The following RBFOX3 variants were observed in gnomAD, a reference collection of about 807,000 sequenced individuals.
RBFOX3 encodes the protein RNA binding protein fox-1 homolog 3.
A neutral mutation model predicts 48.7 loss-of-function variants in RBFOX3; 17 were observed. The observed-to-expected ratio is 0.35, with a 90% CI of 0.24 to 0.52. The LOEUF is 0.52. Among genes scored for constraint, RBFOX3 ranks in the 20% least tolerant of loss-of-function variants. RBFOX3 has a pLI of 0.94. For synonymous variants in RBFOX3, 212 were observed against 209.5 expected, an observed-to-expected ratio of 1.01 and a Z score of -0.10; for missense variants, 382 against 497.5, an observed-to-expected ratio of 0.77 and a Z score of 2.21.
intron 1 of RBFOX3, among the ~76,000 whole-genome samples, chr17:79,500,485 G>C (rs2082244139): frequency 6.6e-6 from 1 of 152,112 alleles, no homozygotes; most frequent in African/African-American, 2.4e-5. Flanking sequence ...TCGAACTCCT[G>C]ACCTCAGGTG....
chr17:79,265,078 G>A (rs2066470376), intron 3 of RBFOX3, among the ~76,000 whole-genome samples: 1 of 152,168 alleles, frequency 6.6e-6, no homozygotes, highest in Non-Finnish European at 1.5e-5. Context: ...CCTGCCAGAT[G>A]CCACGCTCGG....
rs760025475 is a variant in RBFOX3, at chr17:79,195,522, C to CACAG, written c.-34+40240_-34+40243dup. ...CTGCCCTGATCTCCCCATCCCAAAACACAGACACCCAGCAAAAGGGTCTGC... is the reference window on the plus strand; with the variant it reads ...CTGCCCTGATCTCCCCATCCCAAAACACAGACAGACACCCAGCAAAAGGGTCTGC... On this transcript the variant is annotated intron_variant, in intron 4 of 14. Coordinates refer to ENST00000693108, the MANE Select transcript of RBFOX3 (RefSeq NM_001350451.2). The surrounding 1 kb of genome is among the most constrained non-coding windows in gnomAD (Gnocchi z 5.3). 2.0e-5 allele frequency among the ~76,000 whole-genome samples: 3 copies of CACAG among 152,236 alleles called. No homozygotes were observed. The highest frequency in any genetic ancestry group is 4.4e-5 in the Non-Finnish European group (3 of 68,042).
At chr17:79,580,161 A>C (rs2093006946) in intron 1 of RBFOX3, among the ~76,000 whole-genome samples, 1 of 150,596 alleles carries the variant, frequency 6.6e-6, no homozygotes, top group South Asian at 2.1e-4. Flanking sequence ...CCGTCCTCCC[A>C]CCATGGCTTT....
At chr17:79,176,085 T>G (rs1437620356) in intron 4 of RBFOX3, among the ~76,000 whole-genome samples, 2 of 152,200 alleles carry the variant, frequency 1.3e-5, no homozygotes, top group Admixed American at 6.5e-5. Context: ...CCTACTGTGG[T>G]GCTTGGCCCA....
chr17:79,183,023 C>G (rs1352594605), intron 4 of RBFOX3, among the ~76,000 whole-genome samples: 4 of 150,390 alleles, frequency 2.7e-5, no homozygotes, highest in Non-Finnish European at 5.9e-5. Flanking sequence ...AAGTTGCGAG[C>G]GACGCCCCAA....
rs533919740 is a variant in RBFOX3, at chr17:79,198,712, A to G, written c.-34+37054T>C. ...ATGATCTAGGCTCGTTGCAACCTCC[A>G]CCTTCCGGGTTCAAGCGATTCTCCT... is the stretch of plus-strand genomic sequence containing the variant. On this transcript the variant is annotated intron_variant, in intron 4 of 14. Coordinates refer to ENST00000693108, the MANE Select transcript of RBFOX3 (RefSeq NM_001350451.2). This position sits in a 1 kb window ranked among gnomAD's most constrained non-coding sequence, Gnocchi z 8.2. 1.7e-4 allele frequency among the ~76,000 whole-genome samples: 25 copies of G among 150,726 alleles called. No individual in the cohort carries two copies. The highest frequency in any genetic ancestry group is 3.0e-4 in the Non-Finnish European group (20 of 67,762).
chr17:79,474,181 T>A (rs1824254436), intron 2 of RBFOX3, among the ~76,000 whole-genome samples: 1 of 151,906 alleles, frequency 6.6e-6, no homozygotes, highest in South Asian at 2.1e-4. Context: ...CCAGGTCCCA[T>A]CTAAGAATGA....
intron 2 of RBFOX3, among the ~76,000 whole-genome samples, chr17:79,360,057 C>T (rs2086009055): frequency 6.6e-6 from 1 of 151,168 alleles, no homozygotes; most frequent in Non-Finnish European, 1.5e-5. Flanking sequence ...TTTTTTTTTT[C>T]ATGTTGGTAT....
intron 2 of RBFOX3, among the ~76,000 whole-genome samples, chr17:79,379,873 G>C (rs1374232172): frequency 6.6e-6 from 1 of 152,120 alleles, no homozygotes; most frequent in Admixed American, 6.5e-5. Flanking sequence ...AAGAAGCACA[G>C]AGCGGCTCTC....
intron 4 of RBFOX3, among the ~76,000 whole-genome samples, chr17:79,230,988 A>G (rs1041626612): frequency 6.6e-6 from 1 of 152,012 alleles, no homozygotes; most frequent in African/African-American, 2.4e-5. Flanking sequence ...ACACTGGACG[A>G]GATACAGTGA....
At chr17:79,410,451 G>A (rs942361465) in intron 2 of RBFOX3, among the ~76,000 whole-genome samples, 1 of 152,140 alleles carries the variant, frequency 6.6e-6, no homozygotes, top group Non-Finnish European at 1.5e-5. Context: ...GCAGGGGGGC[G>A]GTCATTAAGG....
At chr17:79,448,139 C>T (rs1442953041) in intron 2 of RBFOX3, among the ~76,000 whole-genome samples, 3 of 152,184 alleles carry the variant, frequency 2.0e-5, no homozygotes, top group Non-Finnish European at 4.4e-5. Context: ...ATAAATTACC[C>T]AGTCTCAGGT....
intron 4 of RBFOX3, among the ~76,000 whole-genome samples, chr17:79,169,361 G>T (rs1257549286): frequency 1.3e-5 from 2 of 152,142 alleles, no homozygotes; most frequent in Non-Finnish European, 2.9e-5. Flanking sequence ...GAACACCCCT[G>T]GGCTGTGCGG....
At chr17:79,595,049 C>T (rs1343421924) in intron 1 of RBFOX3, among the ~76,000 whole-genome samples, 1 of 152,154 alleles carries the variant, frequency 6.6e-6, no homozygotes, top group East Asian at 1.9e-4. Context: ...TGAGGACACG[C>T]CCTCAGAAGA....
Position 79,103,277 on chromosome 17 carries a change from G to A in RBFOX3, c.415-23C>T. 8 of 1,509,356 alleles carry A rather than the reference G, an allele frequency of 5.3e-6. No homozygotes were observed. The highest frequency in any genetic ancestry group is 7.2e-6 in the Non-Finnish European group (8 of 1,109,062). The allele number at this position is 1,509,356 out of a possible 1,614,324, so 93.5% of individuals were successfully genotyped here. A position where few individuals can be genotyped will look rare whatever the true frequency, so the allele number is the denominator to read the frequency against. ...ACCCTGTGAGCAGAGGAGAGGGAAG[G>A]ACAGGCACGGAGAGGAGGACACAGG... On this transcript the variant is annotated intron_variant, in intron 7 of 14. Coordinates refer to ENST00000693108, the MANE Select transcript of RBFOX3 (RefSeq NM_001350451.2). This position sits in a 1 kb window ranked among gnomAD's most constrained non-coding sequence, Gnocchi z 6.1.
At chr17:79,272,167 G>T (rs2067851569) in intron 3 of RBFOX3, among the ~76,000 whole-genome samples, 2 of 152,180 alleles carry the variant, frequency 1.3e-5, no homozygotes, top group African/African-American at 4.8e-5. Context: ...AACAGTCCAG[G>T]CTTAGAGACC....
rs981881741 is a variant in RBFOX3, at chr17:79,089,940, C to T, written c.*943G>A. The T allele has an allele frequency of 2.6e-5, 4 of 152,504 alleles. No individual in the cohort carries two copies. Among genetic ancestry groups the T allele is most frequent in the Admixed American group, 1.3e-4 (2 of 15,312 alleles). The allele number at this position is 152,504 out of a possible 1,614,324, so 9.4% of individuals were successfully genotyped here. A position where few individuals can be genotyped will look rare whatever the true frequency, so the allele number is the denominator to read the frequency against. On this transcript the variant is annotated 3_prime_UTR_variant, in exon 15 of 15. Coordinates refer to ENST00000693108, the MANE Select transcript of RBFOX3 (RefSeq NM_001350451.2). ...CCACAGCCACTGTGACTCCCAACCT[C>T]GCGATGCAGCCGGGCGCTGGCCCGT...
chr17:79,140,714 A>G (rs1358313275), intron 4 of RBFOX3, among the ~76,000 whole-genome samples: 1 of 152,234 alleles, frequency 6.6e-6, no homozygotes, highest in Non-Finnish European at 1.5e-5. Context: ...CTTGGGGAAA[A>G]TGCCACCATG....
chr17:79,377,718 T>G (rs2059394132), intron 2 of RBFOX3, among the ~76,000 whole-genome samples: 1 of 152,112 alleles, frequency 6.6e-6, no homozygotes, highest in Non-Finnish European at 1.5e-5. Context: ...GGGTCCTTTA[T>G]TTGCCCCTCT....
Sources: gnomAD v4.1 joint callset for allele counts (sites outside exome capture counted in the v4.1 genomes callset) on GRCh38, gnomAD v4.1.1 for gene constraint, Gnocchi (gnomAD v3.1) non-coding constraint, MANE v1.5 for transcripts, NCBI Gene and HGNC (gene_info 2026-07-23, HGNC 2026-07-21) for gene names.